CARD14: variants seen among roughly 807,000 people sequenced by gnomAD.
CARD14 encodes the protein caspase recruitment domain family member 14.
In CARD14, 107 loss-of-function variants were observed where a neutral mutation model predicts 111.5. That is an observed-to-expected ratio of 0.96 (90% CI 0.82 to 1.13). The LOEUF (loss-of-function observed/expected upper bound fraction) is 1.13. Ranked by LOEUF, CARD14 falls within the 50% of genes most tolerant of loss-of-function variation. CARD14 has a pLI of 0.00. For missense variants in CARD14, 1,322 were observed against 1,362.3 expected (o/e 0.97, Z 0.47); for synonymous variants, 617 against 579.6 (o/e 1.06, Z -0.93).
In CARD14 at chr17:80,205,513, G is replaced by A. The variant is rs950919924; in HGVS notation, c.2570-18G>A. On this transcript the variant is annotated intron_variant, in intron 21 of 23. Transcript: ENST00000648509. ...CACACAGCTGGTCTATGATGGCCCC[G>A]TCCAATGTCACCTGTAGAGTACTTG... 25 of 1,579,480 alleles carry A rather than the reference G, an allele frequency of 1.6e-5. No homozygotes were observed. Among genetic ancestry groups the A allele is most frequent in the African/African-American group, 5.4e-5 (4 of 74,328 alleles).
At chr17:80,193,458 C>T (rs936517940) in intron 12 of CARD14, among the ~76,000 whole-genome samples, 1 of 152,236 alleles carries the variant, frequency 6.6e-6, no homozygotes, top group South Asian at 2.1e-4. Context: ...TTTCTGGAGC[C>T]TCAGGACCCT....
At chr17:80,191,497 C>G (rs777308288) in intron 11 of CARD14, 25 bp downstream of exon 11, 10 of 1,601,674 alleles carry the variant, frequency 6.2e-6, no homozygotes, top group Admixed American at 1.7e-5. Context: ...CTGACCCGAG[C>G]TGGAGGCCAG....
chr17:80,184,184 T>C lies in CARD14; in HGVS notation c.621T>C (p.Asn207=). ...EMLSLSLHYS[N]ALQEKELAAS... ...TCAGCCTCTCGCTGCACTATAGCAA[T>C]GCGCTGCAGGAGAAGGAGCTGGCCG... The change falls in exon 7 of 24, where the codon AAT becomes AAC. Residue 207 remains asparagine, a synonymous_variant. Coordinates refer to ENST00000648509, the MANE Select transcript of CARD14 (RefSeq NM_001366385.1). 1.3e-6 allele frequency: 2 copies of C among 1,560,378 alleles called. No individual in the cohort carries two copies. Among genetic ancestry groups the C allele is most frequent in the South Asian group, 2.4e-5 (2 of 84,200 alleles).
In CARD14 at chr17:80,202,335, G is replaced by A. The variant is rs1214858072; in HGVS notation, c.2134G>A (p.Gly712Ser). ...GCACGTCACCGACACCATGTTCCAG[G>A]GCTGCGGCTGCTGGCATGCCCACCG... ...VLHVTDTMFQ[G>S]CGCWHAHRVN... is the part of the protein sequence containing the mutation. Residue 712 changes from glycine (G) to serine (S), a missense_variant, in exon 18 of 24, where the codon GGC becomes AGC. Physicochemically the swap from Gly to Ser is moderately conservative, Grantham distance 56. Transcript: ENST00000648509. The A allele has an allele frequency of 1.2e-6, 2 of 1,613,482 alleles. No individual in the cohort carries two copies. The highest frequency in any genetic ancestry group is 2.2e-5 in the East Asian group (1 of 44,880).
chr17:80,205,211 C>T lies in CARD14; in HGVS notation c.2569+6C>T, dbSNP rs1486300021. On this transcript the variant is annotated splice_donor_region_variant and intron_variant, in intron 21 of 23. Coordinates refer to ENST00000648509, the MANE Select transcript of CARD14 (RefSeq NM_001366385.1). ...GTTTAAGAAGTGCCTGGCAGGTATG[C>T]TGTTGCCTGGGAATCCCTCTACCCC... 1 of 1,607,666 alleles carries T rather than the reference C, an allele frequency of 6.2e-7. No individual in the cohort carries two copies. Among genetic ancestry groups the T allele is most frequent in the Non-Finnish European group, 8.5e-7 (1 of 1,175,934 alleles).
intron 2 of CARD14, among the ~76,000 whole-genome samples, chr17:80,173,604 A>AT (rs373407816): frequency 0.095 from 13,691 of 143,934 alleles, 746 homozygotes; most frequent in African/African-American, 0.17. Context: ...CAGATTCGGC[A>AT]TTTTTTTTTT....
intron 2 of CARD14, among the ~76,000 whole-genome samples, chr17:80,173,976 A>G (rs2039968666): frequency 6.6e-6 from 1 of 152,220 alleles, no homozygotes. Flanking sequence ...AAGAACTATT[A>G]GTTCCTAAAA....
At position 80,208,338 on chromosome 17, in the gene CARD14, C is replaced by T; in HGVS notation, c.3008C>T (p.Pro1003Leu). Reference protein sequence around the residue: ...QKKVVWTEQSPR With the variant: ...QKKVVWTEQSLR The stretch of plus-strand genomic sequence containing the variant: ...AAGGTGGTGTGGACGGAGCAGAGCC[C>T]CCGATGATGCACCGTGCCCCTTCCC... Residue 1003 changes from proline to leucine, a missense_variant, in exon 24 of 24, where the codon CCC becomes CTC. Pro to Leu is a moderately conservative substitution (Grantham distance 98). Coordinates refer to ENST00000648509, the MANE Select transcript of CARD14 (RefSeq NM_001366385.1). 6.3e-7 allele frequency: 1 copy of T among 1,594,920 alleles called. No homozygotes were observed.
chr17:80,182,515 A>C lies in CARD14; in HGVS notation c.212-138A>C. The C allele has an allele frequency of 9.8e-7, 1 of 1,023,014 alleles. No individual in the cohort carries two copies. The highest frequency in any genetic ancestry group is 1.4e-6 in the Non-Finnish European group (1 of 711,328). The allele number at this position is 1,023,014 out of a possible 1,614,324, so 63.4% of individuals were successfully genotyped here. A position where few individuals can be genotyped will look rare whatever the true frequency, so the allele number is the denominator to read the frequency against. ...GCGTCCCACCCAGCAGAACCCAGAA[A>C]ACCGCTTTCACCTCCCGATTCTTAC... On this transcript the variant is annotated intron_variant, in intron 5 of 23. Coordinates refer to ENST00000648509, the MANE Select transcript of CARD14 (RefSeq NM_001366385.1). The surrounding 1 kb of genome is among the most constrained non-coding windows in gnomAD (Gnocchi z 4.7).
At position 80,188,545 on chromosome 17, in the gene CARD14, G is replaced by A; in HGVS notation, c.843+1G>A. ...ACTGCGCTCGCTGACTTTCAGCCTGGTAGGTTCCGGTCCCCGCAGCAGAGA... is the reference window on the plus strand; with the variant it reads ...ACTGCGCTCGCTGACTTTCAGCCTGATAGGTTCCGGTCCCCGCAGCAGAGA... On this transcript the variant is annotated splice_donor_variant, in intron 8 of 23. Transcript: ENST00000648509. LOFTEE classifies it high-confidence loss of function. The surrounding 1 kb of genome is among the most constrained non-coding windows in gnomAD (Gnocchi z 4.5). 6.7e-7 allele frequency: 1 copy of A among 1,500,326 alleles called. No individual in the cohort carries two copies. The highest frequency in any genetic ancestry group is 8.9e-7 in the Non-Finnish European group (1 of 1,123,140). The allele number at this position is 1,500,326 out of a possible 1,614,324, so 92.9% of individuals were successfully genotyped here.
In CARD14 at chr17:80,182,636, C is replaced by T. The variant is rs752936293; in HGVS notation, c.212-17C>T. On this transcript the variant is annotated splice_polypyrimidine_tract_variant and intron_variant, in intron 5 of 23. Transcript: ENST00000648509. This position sits in a 1 kb window ranked among gnomAD's most constrained non-coding sequence, Gnocchi z 4.7. ...GGTAGCTGGGTTCTGCCCAGACAGACGGTTCTGCCTCCCAAGGGCACTTGC... is the reference window on the plus strand; with the variant it reads ...GGTAGCTGGGTTCTGCCCAGACAGATGGTTCTGCCTCCCAAGGGCACTTGC... 77 of 1,613,458 alleles carry T rather than the reference C, an allele frequency of 4.8e-5. No homozygotes were observed. The highest frequency in any genetic ancestry group is 1.7e-4 in the Middle Eastern group (1 of 6,014).
chr17:80,190,896 C>G lies in CARD14; in HGVS notation c.1086C>G (p.Asp362Glu). ...AQVCELQKER[D>E]QAYSARDSAQ... is the part of the protein sequence containing the mutation. Reference sequence around the variant, plus strand: ...TGTGCGAGCTGCAGAAGGAGCGAGACCAGGTACCTGAGAGGCCGGGCCCAC... The same window carrying G: ...TGTGCGAGCTGCAGAAGGAGCGAGAGCAGGTACCTGAGAGGCCGGGCCCAC... The change falls in exon 10 of 24, where the codon GAC becomes GAG. Residue 362 changes from aspartate (D) to glutamate (E), a missense_variant. Asp to Glu is a conservative substitution (Grantham distance 45). Coordinates refer to ENST00000648509, the MANE Select transcript of CARD14 (RefSeq NM_001366385.1). 3 of 1,613,494 alleles carry G rather than the reference C, an allele frequency of 1.9e-6. No individual in the cohort carries two copies. The highest frequency in any genetic ancestry group is 2.5e-6 in the Non-Finnish European group (3 of 1,179,934).
Position 80,191,416 on chromosome 17 carries a change from C to T in CARD14, c.1183C>T (p.Gln395Ter). 6.2e-7 allele frequency: 1 copy of T among 1,613,794 alleles called. No individual in the cohort carries two copies. The highest frequency in any genetic ancestry group is 8.5e-7 in the Non-Finnish European group (1 of 1,180,012). Residue 395 changes from glutamine to a stop codon, truncating the protein, a stop_gained, in exon 11 of 24, where the codon CAG becomes TAG. Coordinates refer to ENST00000648509, the MANE Select transcript of CARD14 (RefSeq NM_001366385.1). LOFTEE classifies it high-confidence loss of function. Reference protein sequence around the residue: ...LRRQVFELTDQVCELRTQLRQ... With the variant: ...LRRQVFELTD ...CAGGCAGGTGTTCGAGCTGACGGAC[C>T]AGGTCTGCGAGCTGCGCACACAGCT... is the stretch of plus-strand genomic sequence containing the variant.
Position 80,202,359 on chromosome 17 carries a change from C to T in CARD14, c.2158C>T (p.Arg720Cys), listed in dbSNP as rs772710307. The T allele has an allele frequency of 2.2e-5, 35 of 1,613,320 alleles. No individual in the cohort carries two copies. Among genetic ancestry groups the T allele is most frequent in the East Asian group, 4.5e-5 (2 of 44,858 alleles). ...FQGCGCWHAH[R>C]VNSYTMKDTA... Reference sequence around the variant, plus strand: ...GGGCTGCGGCTGCTGGCATGCCCACCGCGTGAACTCTTACACCATGAAGGA... The same window carrying T: ...GGGCTGCGGCTGCTGGCATGCCCACTGCGTGAACTCTTACACCATGAAGGA... The change falls in exon 18 of 24, where the codon CGC (arginine) becomes TGC (cysteine). Residue 720 changes from arginine to cysteine, a missense_variant. By Grantham distance (180) the Arg-to-Cys change is radical (BLOSUM62 -3). Transcript: ENST00000648509.
intron 18 of CARD14, 52 bp downstream of exon 18, chr17:80,202,472 T>G: frequency 1.9e-6 from 3 of 1,586,016 alleles, no homozygotes; most frequent in Non-Finnish European, 2.6e-6. Context: ...CACAGGGAAA[T>G]GGCACCCAGC....
In CARD14 at chr17:80,205,044, C is replaced by G. The variant is rs748305221; in HGVS notation, c.2408C>G (p.Thr803Arg). ...LDPSRMEGSS[T>R]CFWAESCLTL... ...ATCCTCTCCTCCACAGGCTCCAGCA[C>G]GTGCTTCTGGGCCGAGAGCTGCCTC... The change falls in exon 21 of 24, where the codon ACG becomes AGG. Residue 803 changes from threonine (T) to arginine (R), a missense_variant. Thr to Arg is a moderately conservative substitution (Grantham distance 71, BLOSUM62 -1). Coordinates refer to ENST00000648509, the MANE Select transcript of CARD14 (RefSeq NM_001366385.1). The G allele has an allele frequency of 1.3e-6, 2 of 1,596,558 alleles. No individual in the cohort carries two copies. The highest frequency in any genetic ancestry group is 1.7e-6 in the Non-Finnish European group (2 of 1,170,594).
chr17:80,172,068 C>T (rs2039914972), intron 1 of CARD14, among the ~76,000 whole-genome samples: 2 of 152,216 alleles, frequency 1.3e-5, no homozygotes, highest in East Asian at 1.9e-4. Flanking sequence ...AGATGTGGCC[C>T]CTTGGCAACT....
Position 80,198,666 on chromosome 17 carries a change from A to G in CARD14, c.1851+75A>G, listed in dbSNP as rs767004597. 1.2e-5 allele frequency: 20 copies of G among 1,607,696 alleles called. No homozygotes were observed. In the African/African-American group the frequency reaches 2.0e-4, roughly 16 times the overall value. On this transcript the variant is annotated intron_variant, in intron 16 of 23. Coordinates refer to ENST00000648509, the MANE Select transcript of CARD14 (RefSeq NM_001366385.1). The surrounding 1 kb of genome is among the most constrained non-coding windows in gnomAD (Gnocchi z 7.5). ...TGGCAGCGGGTGGGGTGACCCAGGC[A>G]GACTTCACCTCCCCCAGACGATGCA...
intron 23 of CARD14, among the ~76,000 whole-genome samples, chr17:80,207,444 G>C (rs1336155290): frequency 6.6e-6 from 1 of 152,098 alleles, no homozygotes; most frequent in African/African-American, 2.4e-5. Flanking sequence ...CCAGCTACTC[G>C]GGAGGCTGAG....
Sources: gnomAD v4.1 joint callset for allele counts (sites outside exome capture counted in the v4.1 genomes callset) on GRCh38, gnomAD v4.1.1 for gene constraint, Gnocchi (gnomAD v3.1) non-coding constraint, MANE v1.5 for transcripts, NCBI Gene and HGNC (gene_info 2026-07-23, HGNC 2026-07-21) for gene names.